The following CD300LG variants were observed in gnomAD, a reference collection of about 807,000 sequenced individuals.
The protein encoded by CD300LG is CD300 molecule like family member g.
CD300LG carries 29 observed loss-of-function variants against 31.5 expected under a neutral mutation model. That is an observed-to-expected ratio of 0.92 (90% CI 0.68 to 1.25). The LOEUF (loss-of-function observed/expected upper bound fraction) is 1.25. Among genes scored for constraint, CD300LG ranks in the 50% most tolerant of loss-of-function variants. The pLI, the probability that CD300LG is intolerant of heterozygous loss-of-function variation, is 0.00. For missense variants in CD300LG, 396 were observed against 417.6 expected (o/e 0.95, Z 0.45); for synonymous variants, 175 against 177.2 (o/e 0.99, Z 0.10).
chr17:43,857,656 C>A, intron 6 of CD300LG: 1 of 1,180,598 alleles, frequency 8.5e-7, no homozygotes, highest in Non-Finnish European at 1.2e-6. Flanking sequence ...GTGCTACAAA[C>A]TCTAGTGTGC....
chr17:43,857,333 T>G lies in CD300LG; in HGVS notation c.885+177T>G, dbSNP rs1203724434. The stretch of plus-strand genomic sequence containing the variant: ...GCCCCAAGATCAGCCCTTCAGGGTG[T>G]GAGCCGGACACAGTGCCCATGGGGG... On this transcript the variant is annotated intron_variant, in intron 6 of 6. Transcript: ENST00000317310. The G allele has an allele frequency of 4.0e-6, 6 of 1,490,758 alleles. No homozygotes were observed. In the African/African-American group the frequency reaches 8.4e-5, roughly 21 times the overall value. 92.3% of individuals were successfully genotyped at this position (1,490,758 alleles called of 1,614,324 possible). A position where few individuals can be genotyped will look rare whatever the true frequency, so the allele number is the denominator to read the frequency against.
rs576534453 is a variant in CD300LG at position 43,860,575 on chromosome 17, C to T, written c.886-1223C>T. Among the ~76,000 whole-genome samples, 5 of 152,314 alleles carry T rather than the reference C, an allele frequency of 3.3e-5. No homozygotes were observed. The East Asian group carries it at 5.8e-4, about 18-fold the overall frequency. ...GAGGACCCATGGGAGCAGCCAGGCC[C>T]GGGTCAGAATATGGGCTTCCCCACT... On this transcript the variant is annotated intron_variant, in intron 6 of 6. Transcript: ENST00000317310.
intron 6 of CD300LG, among the ~76,000 whole-genome samples, chr17:43,860,695 T>A (rs2046634237): frequency 6.6e-6 from 1 of 152,280 alleles, no homozygotes; most frequent in Non-Finnish European, 1.5e-5. Flanking sequence ...ATGTTTCATG[T>A]GTCCCTTGTT....
chr17:43,848,461 A>G (rs2046249002), intron 1 of CD300LG, 97 bp from the exon 2 acceptor site: 10 of 1,007,044 alleles, frequency 9.9e-6, no homozygotes, highest in Non-Finnish European at 1.0e-5. Context: ...GATGACTGAG[A>G]AAAGCCTTCC....
In CD300LG at chr17:43,856,025, T is replaced by A. The variant is rs552635576; in HGVS notation, c.832+706T>A. ...GGTGTGATCATGGCTCACTGCAGCC[T>A]TGAACTCCATGGCTCAAGCGATCCT... On this transcript the variant is annotated intron_variant, in intron 5 of 6. Transcript: ENST00000317310. Among the ~76,000 whole-genome samples, 56 of 152,326 alleles carry A rather than the reference T, an allele frequency of 3.7e-4. 1 individual carries two copies. In the South Asian group the frequency reaches 0.011, roughly 30 times the overall value.
At position 43,848,645 on chromosome 17, in the gene CD300LG, G is replaced by C; in HGVS notation, c.131G>C (p.Arg44Thr). ...SLQCTYREEL[R>T]DHRKYWCRKG... ...CAGTGCACCTACAGGGAAGAGCTGAGGGACCACCGGAAGTACTGGTGCAGG... is the reference window on the plus strand; with the variant it reads ...CAGTGCACCTACAGGGAAGAGCTGACGGACCACCGGAAGTACTGGTGCAGG... Residue 44 changes from arginine (R) to threonine (T), a missense_variant, in exon 2 of 7, where the codon AGG (arginine) becomes ACG (threonine). By Grantham distance (71) the Arg-to-Thr change is moderately conservative. Transcript: ENST00000317310. The C allele has an allele frequency of 6.2e-7, 1 of 1,614,162 alleles. No homozygotes were observed. Among genetic ancestry groups the C allele is most frequent in the East Asian group, 2.2e-5 (1 of 44,868 alleles).
At chr17:43,854,146 T>A (rs1435801937) in intron 4 of CD300LG, 102 bp downstream of exon 4, 1 of 864,586 alleles carries the variant, frequency 1.2e-6, no homozygotes, top group African/African-American at 1.7e-5. Flanking sequence ...AGCGGACGCA[T>A]CCTCTTGTCA....
In CD300LG at chr17:43,848,829, C is replaced by T; in HGVS notation, c.315C>T (p.Tyr105=). The T allele has an allele frequency of 6.2e-7, 1 of 1,614,092 alleles. No homozygotes were observed. Among genetic ancestry groups the T allele is most frequent in the African/African-American group, 1.3e-5 (1 of 75,016 alleles). Residue 105 remains tyrosine (Y), a synonymous_variant, in exon 2 of 7, where the codon TAC becomes TAT. Coordinates refer to ENST00000317310, the MANE Select transcript of CD300LG (RefSeq NM_145273.4). ...WNLTLQDAGE[Y]WCGVEKRGPD... is the part of the protein sequence containing the mutation. ...TCACCCTGCAAGACGCTGGGGAGTACTGGTGTGGGGTCGAAAAACGGGGCC... is the reference window on the plus strand; with the variant it reads ...TCACCCTGCAAGACGCTGGGGAGTATTGGTGTGGGGTCGAAAAACGGGGCC...
At chr17:43,858,583 C>T (rs2046589792) in intron 6 of CD300LG, 3 of 985,248 alleles carry the variant, frequency 3.0e-6, no homozygotes, top group Non-Finnish European at 2.4e-6. Flanking sequence ...GGGGGCGGCC[C>T]CTTGTTGAGG....
At position 43,847,241 on chromosome 17, in the gene CD300LG, G is replaced by T; in HGVS notation, c.25G>T (p.Gly9Cys). The change falls in exon 1 of 7, where the codon GGT becomes TGT. Residue 9 changes from glycine (G) to cysteine (C), a missense_variant. By Grantham distance (159) the Gly-to-Cys change is radical. Coordinates refer to ENST00000317310, the MANE Select transcript of CD300LG (RefSeq NM_145273.4). ...AATGCGGCTTCTGGTCCTGCTATGG[G>T]GTTGCCTGCTGCTCCCAGGTGAGAT... MRLLVLLW[G>C]CLLLPGYEAL... 1.2e-6 allele frequency: 2 copies of T among 1,613,962 alleles called. No individual in the cohort carries two copies. Among genetic ancestry groups the T allele is most frequent in the Non-Finnish European group, 8.5e-7 (1 of 1,179,930 alleles).
chr17:43,853,194 T>A (rs2143342906), intron 3 of CD300LG, among the ~76,000 whole-genome samples, 181 bp downstream of exon 3: 1 of 152,014 alleles, frequency 6.6e-6, no homozygotes, highest in Non-Finnish European at 1.5e-5. Context: ...TTGCTCAGGG[T>A]CACACAAGAA....
At chr17:43,861,658 C>A in intron 6 of CD300LG, 140 bp from the exon 7 acceptor site, 1 of 562,534 alleles carries the variant, frequency 1.8e-6, no homozygotes, top group Non-Finnish European at 3.1e-6. Context: ...TTGTTAGGTC[C>A]TGTGCCTCTG....
Position 43,852,890 on chromosome 17 carries a change from G to A in CD300LG, c.380-22G>A, listed in dbSNP as rs766513347. 7 of 1,589,060 alleles carry A rather than the reference G, an allele frequency of 4.4e-6. No homozygotes were observed. In the South Asian group the frequency reaches 6.8e-5, roughly 15 times the overall value. ...GTTCAGAGCGGTGCCACCCCTGAGAGCAGCCTTTCCCTTTCCTCTAGGACC... is the reference window on the plus strand; with the variant it reads ...GTTCAGAGCGGTGCCACCCCTGAGAACAGCCTTTCCCTTTCCTCTAGGACC... On this transcript the variant is annotated intron_variant, in intron 2 of 6. Coordinates refer to ENST00000317310, the MANE Select transcript of CD300LG (RefSeq NM_145273.4).
At chr17:43,857,628 G>T (rs1015354942) in intron 6 of CD300LG, 5 of 1,129,070 alleles carry the variant, frequency 4.4e-6, no homozygotes, top group African/African-American at 1.5e-5. Flanking sequence ...CCAGGGGTGG[G>T]GTCCAGGGAC....
In CD300LG at chr17:43,850,183, A is replaced by C. The variant is rs192912428; in HGVS notation, c.379+1290A>C. ...ACAGTGATGTGCTGGTAAATGTTTA[A>C]CAGGCTGGGGATGCTGTCATTTTGT... On this transcript the variant is annotated intron_variant, in intron 2 of 6. Coordinates refer to ENST00000317310, the MANE Select transcript of CD300LG (RefSeq NM_145273.4). Among the ~76,000 whole-genome samples, 713 of 152,332 alleles carry C rather than the reference A, an allele frequency of 4.7e-3. 6 individuals carry two copies. Among genetic ancestry groups the C allele is most frequent in the African/African-American group, 0.017 (686 of 41,570 alleles).
chr17:43,850,899 G>A (rs1277460350), intron 2 of CD300LG, among the ~76,000 whole-genome samples: 1 of 152,138 alleles, frequency 6.6e-6, no homozygotes, highest in Non-Finnish European at 1.5e-5. Flanking sequence ...CACTTTGGGA[G>A]GTCAAGGCGG....
chr17:43,857,960 G>C (rs996643317), intron 6 of CD300LG: 1 of 1,524,378 alleles, frequency 6.6e-7, no homozygotes, highest in South Asian at 1.2e-5. Context: ...GCTGCAAGAA[G>C]AGACTGTGCC....
intron 6 of CD300LG, chr17:43,857,994 AG>A (rs2046574108): frequency 1.3e-5 from 19 of 1,482,032 alleles, no homozygotes; most frequent in East Asian, 2.5e-5. Flanking sequence ...ACTCCAACGG[AG>A]GGGGCTGCAG....
At chr17:43,857,546 CT>C in intron 6 of CD300LG, 1 of 1,418,514 alleles carries the variant, frequency 7.0e-7, no homozygotes, top group South Asian at 1.2e-5. Flanking sequence ...AGCAAATCGC[CT>C]TTCAGAACGC....
Sources: allele counts gnomAD v4.1 joint callset (sites outside exome capture counted in the v4.1 genomes callset), GRCh38; gene constraint gnomAD v4.1.1; transcripts MANE v1.5; gene names NCBI Gene and HGNC (gene_info 2026-07-23, HGNC 2026-07-21).